The following AQR variants were observed in gnomAD, a reference collection of about 807,000 sequenced individuals.
AQR encodes the protein aquarius intron-binding spliceosomal factor.
In AQR, 61 loss-of-function variants were observed where a neutral mutation model predicts 180.5. The observed-to-expected ratio is 0.34, with a 90% CI of 0.28 to 0.42. The LOEUF (loss-of-function observed/expected upper bound fraction) is 0.42. AQR is among the 10% of genes least tolerant of loss of function. The pLI is 1.00. For synonymous variants in AQR, 551 were observed against 588.8 expected (o/e 0.94, Z 0.93); for missense variants, 1,281 against 1,798.3 (o/e 0.71, Z 5.20).
At chr15:34,931,958 C>T (rs931844571) in intron 11 of AQR, among the ~76,000 whole-genome samples, 1 of 152,236 alleles carries the variant, frequency 6.6e-6, no homozygotes, top group African/African-American at 2.4e-5. Flanking sequence ...TATACTTCTA[C>T]ATGATCAACT....
At chr15:34,893,200 G>T (rs185635320) in intron 23 of AQR, among the ~76,000 whole-genome samples, 1 of 152,190 alleles carries the variant, frequency 6.6e-6, no homozygotes, top group South Asian at 2.1e-4. Context: ...CGTTTGCCAA[G>T]AGCACACCGA....
intron 32 of AQR, among the ~76,000 whole-genome samples, chr15:34,864,687 G>T (rs1892718003): frequency 6.6e-6 from 1 of 152,114 alleles, no homozygotes; most frequent in African/African-American, 2.4e-5. Context: ...CATCCAGAAG[G>T]CCCTATCTCT....
At chr15:34,934,834 A>G (rs1363158809) in intron 9 of AQR, among the ~76,000 whole-genome samples, 199 bp from the exon 10 acceptor site, 4 of 152,190 alleles carry the variant, frequency 2.6e-5, no homozygotes, top group Non-Finnish European at 5.9e-5. Flanking sequence ...AGCTCTACAA[A>G]TATGAGAAAA....
At chr15:34,942,108 T>C in intron 6 of AQR, 28 bp from the exon 7 acceptor site, 1 of 1,574,298 alleles carries the variant, frequency 6.4e-7, no homozygotes, top group African/African-American at 1.3e-5. Flanking sequence ...AAAATAAGTT[T>C]ATAAACATAC....
At chr15:34,883,959 C>A (rs1893014962) in intron 26 of AQR, among the ~76,000 whole-genome samples, 1 of 152,146 alleles carries the variant, frequency 6.6e-6, no homozygotes. Flanking sequence ...CTTAGAATGG[C>A]CACATGGCAG....
chr15:34,934,623 A>G lies in AQR; in HGVS notation c.731T>C (p.Met244Thr). The G allele has an allele frequency of 2.5e-6, 4 of 1,584,602 alleles. No individual in the cohort carries two copies. The highest frequency in any genetic ancestry group is 3.4e-6 in the Non-Finnish European group (4 of 1,168,454). Reference protein sequence around the residue: ...KSVPLSEPVTMDKVHYCERFI... With the variant: ...KSVPLSEPVTTDKVHYCERFI... ...TCTTTCACAGTAATGAACTTTGTCC[A>G]TAGTGACAGGTTCTAGACATAAGAG... Residue 244 changes from methionine (M) to threonine (T), a missense_variant, in exon 10 of 35, where the codon ATG becomes ACG. Around this residue, in one of 9 missense-constraint regions of AQR, gnomAD observed 404 missense variants for 490.9 expected, o/e 0.82. Transcript: ENST00000156471.
At chr15:34,908,691 C>A (rs899545445) in intron 17 of AQR, among the ~76,000 whole-genome samples, 1 of 152,336 alleles carries the variant, frequency 6.6e-6, no homozygotes, top group African/African-American at 2.4e-5. Context: ...AAGACTGTCT[C>A]ATGTCCTTCT....
At position 34,940,913 on chromosome 15, in the gene AQR, T is replaced by C. The variant is rs1185224191; in HGVS notation, c.627A>G (p.Pro209=). 1 of 1,607,534 alleles carries C rather than the reference T, an allele frequency of 6.2e-7. No individual in the cohort carries two copies. The highest frequency in any genetic ancestry group is 8.5e-7 in the Non-Finnish European group (1 of 1,176,012). Reference sequence around the variant, plus strand: ...TGCCAACATACTGTTCTCTTGCTTCTGGATCCATCTTTTCATCATTCTTTT... The same window carrying C: ...TGCCAACATACTGTTCTCTTGCTTCCGGATCCATCTTTTCATCATTCTTTT... ...LIKKNDEKMD[P]EAREQAYQER... Residue 209 remains proline (P), a synonymous_variant, in exon 8 of 35, where the codon CCA becomes CCG. Coordinates refer to ENST00000156471, the MANE Select transcript of AQR (RefSeq NM_014691.3).
intron 9 of AQR, 117 bp from the exon 10 acceptor site, chr15:34,934,752 AGAATTG>A: frequency 1.8e-6 from 1 of 561,382 alleles, no homozygotes. Flanking sequence ...TTTATTCATC[AGAATTG>A]GACTATGATT....
At chr15:34,958,307 G>A (rs1894358396) in intron 3 of AQR, among the ~76,000 whole-genome samples, 2 of 152,100 alleles carry the variant, frequency 1.3e-5, no homozygotes, top group African/African-American at 4.8e-5. Context: ...TTGAGCTCAG[G>A]AGTGAGAGCA....
intron 20 of AQR, 25 bp downstream of exon 20, chr15:34,900,596 AG>A: frequency 6.2e-7 from 1 of 1,603,440 alleles, no homozygotes; most frequent in Admixed American, 1.7e-5. Context: ...AATGCTGGAG[AG>A]GAGCGTACCC....
At chr15:34,938,203 A>G (rs1174198792) in intron 9 of AQR, among the ~76,000 whole-genome samples, 2 of 152,158 alleles carry the variant, frequency 1.3e-5, no homozygotes, top group South Asian at 2.1e-4. Flanking sequence ...AATTTGCTAC[A>G]TAAAGGAATA....
At chr15:34,889,663 A>G (rs1893112961) in intron 24 of AQR, among the ~76,000 whole-genome samples, 1 of 152,172 alleles carries the variant, frequency 6.6e-6, no homozygotes, top group South Asian at 2.1e-4. Flanking sequence ...ATTATCATTA[A>G]TCACTAATTT....
intron 8 of AQR, among the ~76,000 whole-genome samples, chr15:34,940,585 T>A (rs969782553): frequency 1.3e-5 from 2 of 151,948 alleles, no homozygotes; most frequent in African/African-American, 4.8e-5. Context: ...GTTATATTAA[T>A]AGCCTGAAGA....
chr15:34,864,319 G>C (rs964465112), intron 32 of AQR, among the ~76,000 whole-genome samples: 1 of 152,038 alleles, frequency 6.6e-6, no homozygotes, highest in Admixed American at 6.6e-5. Flanking sequence ...CCTTTCCCCA[G>C]CAACAAACAA....
At chr15:34,865,544 A>T (rs1289160425) in intron 32 of AQR, among the ~76,000 whole-genome samples, 1 of 152,332 alleles carries the variant, frequency 6.6e-6, no homozygotes, top group East Asian at 1.9e-4. Context: ...ATGACCCAGA[A>T]ATTCTACTCT....
chr15:34,868,354 G>C (rs1252269629), intron 31 of AQR: 1 of 151,270 alleles, frequency 6.6e-6, no homozygotes, highest in Non-Finnish European at 1.5e-5. Context: ...AAGAAAGAAA[G>C]AAAAAAAGTG....
intron 14 of AQR, among the ~76,000 whole-genome samples, chr15:34,918,884 A>G (rs940235862): frequency 2.0e-4 from 31 of 152,164 alleles, no homozygotes; most frequent in African/African-American, 7.0e-4. Flanking sequence ...TTCTCACTCT[A>G]TGTTCCTTTC....
intron 6 of AQR, chr15:34,942,960 T>C (rs903231677): frequency 8.7e-7 from 1 of 1,151,874 alleles, no homozygotes; most frequent in Admixed American, 2.3e-5. Context: ...CTAATACTAA[T>C]AAAATCTTGT....
Sources: allele counts gnomAD v4.1 joint callset (sites outside exome capture counted in the v4.1 genomes callset), GRCh38; gene constraint gnomAD v4.1.1; regional missense constraint gnomAD v4.1.1; transcripts MANE v1.5; gene names NCBI Gene and HGNC (gene_info 2026-07-23, HGNC 2026-07-21).